The following GRM7 variants were observed in gnomAD, a reference collection of about 807,000 sequenced individuals.
GRM7 encodes the protein metabotropic glutamate receptor 7.
A neutral mutation model predicts 84.5 loss-of-function variants in GRM7; 35 were observed. The observed-to-expected ratio is 0.41, with a 90% CI of 0.32 to 0.55. The LOEUF is 0.55. GRM7 is among the 20% of genes least tolerant of loss of function. The probability of loss-of-function intolerance (pLI) is 0.19; values close to 1 mark genes in which losing one functional copy is unlikely to be tolerated. For synonymous variants in GRM7, 487 were observed against 455.1 expected, an observed-to-expected ratio of 1.07 and a Z score of -0.89; for missense variants, 1,003 against 1,194.6, an observed-to-expected ratio of 0.84 and a Z score of 2.36.
chr3:7,063,688 C>T (rs9311975), intron 1 of GRM7, among the ~76,000 whole-genome samples: 65,382 of 151,434 alleles, frequency 0.43, 14,392 homozygotes, highest in African/African-American at 0.53. Flanking sequence ...GAAAAAGAAA[C>T]TAATTGGCTC....
intron 1 of GRM7, among the ~76,000 whole-genome samples, chr3:6,883,743 A>G (rs1305205300): frequency 6.6e-6 from 1 of 152,212 alleles, no homozygotes; most frequent in Non-Finnish European, 1.5e-5. Flanking sequence ...TGGTTATGGG[A>G]GCAGGAAATA....
intron 5 of GRM7, chr3:7,451,820 G>A (rs1174419622): frequency 2.0e-5 from 3 of 152,170 alleles, no homozygotes; most frequent in East Asian, 1.9e-4. Context: ...GAGCAAAATG[G>A]TAAATATCTA....
rs1277414818 is a variant in GRM7, at chr3:6,862,397, C to T, written c.519+490C>T. Among the ~76,000 whole-genome samples, 2 of 152,038 alleles carry T rather than the reference C, an allele frequency of 1.3e-5. No individual in the cohort carries two copies. The highest frequency in any genetic ancestry group is 2.4e-5 in the African/African-American group (1 of 41,384). Reference sequence around the variant, plus strand: ...AAATTTGGAGACAGCCTTAAGGAGGCACTTCTTAAATCGAGGGCTCCGTCT... The same window carrying T: ...AAATTTGGAGACAGCCTTAAGGAGGTACTTCTTAAATCGAGGGCTCCGTCT... On this transcript the variant is annotated intron_variant, in intron 1 of 9. Coordinates refer to ENST00000357716, the MANE Select transcript of GRM7 (RefSeq NM_000844.4). This position sits in a 1 kb window ranked among gnomAD's most constrained non-coding sequence, Gnocchi z 5.2.
chr3:7,422,752 C>G (rs1696449978), intron 5 of GRM7, among the ~76,000 whole-genome samples: 1 of 151,984 alleles, frequency 6.6e-6, no homozygotes, highest in South Asian at 2.1e-4. Context: ...TTATTATTTT[C>G]TTTTTTACTT....
intron 4 of GRM7, among the ~76,000 whole-genome samples, chr3:7,336,129 A>T (rs753803899): frequency 5.3e-5 from 8 of 152,092 alleles, no homozygotes; most frequent in Non-Finnish European, 1.2e-4. Flanking sequence ...ATGAAGATAG[A>T]TGCAAAAATT....
intron 1 of GRM7, among the ~76,000 whole-genome samples, chr3:7,025,591 G>A (rs916784573): frequency 6.6e-6 from 1 of 152,154 alleles, no homozygotes; most frequent in African/African-American, 2.4e-5. Flanking sequence ...AGTCATGCCT[G>A]CAGACGTGCA....
intron 5 of GRM7, among the ~76,000 whole-genome samples, chr3:7,417,641 T>C (rs1696221923): frequency 6.6e-6 from 1 of 152,126 alleles, no homozygotes; most frequent in African/African-American, 2.4e-5. Flanking sequence ...TGAATGTTTT[T>C]ATCTGAGGAC....
At chr3:7,618,943 A>C (rs1697237328) in intron 8 of GRM7, among the ~76,000 whole-genome samples, 1 of 152,158 alleles carries the variant, frequency 6.6e-6, no homozygotes, top group Non-Finnish European at 1.5e-5. Context: ...AGTGCCTATC[A>C]CCAGAGGTTC....
chr3:7,191,566 C>T (rs573329410), intron 2 of GRM7, among the ~76,000 whole-genome samples: 13 of 151,632 alleles, frequency 8.6e-5, no homozygotes, highest in Non-Finnish European at 1.3e-4. Flanking sequence ...TGGCAATAAA[C>T]AGGAACACAA....
intron 1 of GRM7, among the ~76,000 whole-genome samples, chr3:7,130,401 G>A (rs2125052318): frequency 6.6e-6 from 1 of 152,142 alleles, no homozygotes; most frequent in Non-Finnish European, 1.5e-5. Context: ...AAATTAGCCA[G>A]GTGTGGTGGC....
At chr3:7,670,474 A>AC (rs1249716418) in intron 8 of GRM7, among the ~76,000 whole-genome samples, 1 of 152,224 alleles carries the variant, frequency 6.6e-6, no homozygotes, top group Non-Finnish European at 1.5e-5. Context: ...TGAGAATCTG[A>AC]CATTGTCTTC....
At chr3:7,675,907 C>T (rs1281311458) in intron 8 of GRM7, among the ~76,000 whole-genome samples, 1 of 152,018 alleles carries the variant, frequency 6.6e-6, no homozygotes, top group African/African-American at 2.4e-5. Flanking sequence ...TCGTAATGAC[C>T]ACATGAGGTA....
intron 4 of GRM7, among the ~76,000 whole-genome samples, chr3:7,351,019 G>A (rs952276578): frequency 2.0e-5 from 3 of 151,998 alleles, no homozygotes; most frequent in Non-Finnish European, 4.4e-5. Context: ...TGTGAGAAGG[G>A]CATTTGTCGA....
At chr3:6,918,664 A>G (rs1697022232) in intron 1 of GRM7, among the ~76,000 whole-genome samples, 2 of 152,196 alleles carry the variant, frequency 1.3e-5, no homozygotes, top group Non-Finnish European at 2.9e-5. Flanking sequence ...AGTTCCCTAG[A>G]GTGCCAGAAA....
At chr3:6,948,402 GC>G (rs1313432178) in intron 1 of GRM7, among the ~76,000 whole-genome samples, 1 of 152,188 alleles carries the variant, frequency 6.6e-6, no homozygotes, top group African/African-American at 2.4e-5. Flanking sequence ...TAGTTTGATT[GC>G]ACTGTGGTCT....
At chr3:7,081,838 A>G (rs993195684) in intron 1 of GRM7, among the ~76,000 whole-genome samples, 4 of 152,142 alleles carry the variant, frequency 2.6e-5, no homozygotes, top group Non-Finnish European at 5.9e-5. Flanking sequence ...AACCAGCCAC[A>G]ACACTCCCTT....
intron 1 of GRM7, chr3:6,956,718 C>CA (rs1466547710): frequency 1.1e-5 from 5 of 449,256 alleles, no homozygotes; most frequent in Non-Finnish European, 1.8e-5. Context: ...GTTTATATCT[C>CA]ACAATTGAGT....
chr3:7,517,407 A>G (rs923323718), intron 7 of GRM7, among the ~76,000 whole-genome samples: 2 of 151,842 alleles, frequency 1.3e-5, no homozygotes, highest in African/African-American at 4.8e-5. Context: ...TAGTATTATT[A>G]TTTGAGACAG....
At chr3:7,521,118 T>C (rs1575445881) in intron 7 of GRM7, among the ~76,000 whole-genome samples, 1 of 152,174 alleles carries the variant, frequency 6.6e-6, no homozygotes, top group South Asian at 2.1e-4. Context: ...GGTGTGCAAA[T>C]AATTTTTGAA....
Sources: allele counts gnomAD v4.1 joint callset (sites outside exome capture counted in the v4.1 genomes callset), GRCh38; gene constraint gnomAD v4.1.1; non-coding constraint Gnocchi (gnomAD v3.1); transcripts MANE v1.5; gene names NCBI Gene and HGNC (gene_info 2026-07-23, HGNC 2026-07-21).